Variants in GALNT13 observed in about 807,000 individuals in gnomAD.
GALNT13 encodes polypeptide N-acetylgalactosaminyltransferase 13, also known as UDP-GalNAc:polypeptide N-acetylgalactosaminyltransferase 13.
GALNT13 carries 28 observed loss-of-function variants against 64.2 expected under a neutral mutation model. The ratio of observed to expected loss-of-function variants is 0.44; its 90% CI spans 0.32 to 0.60. The LOEUF is 0.60. Among genes scored for constraint, GALNT13 ranks in the 20% least tolerant of loss-of-function variants. GALNT13 has a pLI of 0.05. For missense variants in GALNT13, 577 were observed against 669.8 expected, an observed-to-expected ratio of 0.86 and a Z score of 1.53; for synonymous variants, 214 against 224.6, an observed-to-expected ratio of 0.95 and a Z score of 0.42.
intron 4 of GALNT13, among the ~76,000 whole-genome samples, chr2:154,165,456 C>G (rs185026384): frequency 6.6e-6 from 1 of 152,066 alleles, no homozygotes; most frequent in African/African-American, 2.4e-5. Context: ...CGCTTACAGC[C>G]TCATTATATT....
chr2:153,746,019 T>A, the GALNT13 span, among the ~76,000 whole-genome samples: 1 of 152,134 alleles, frequency 6.6e-6, no homozygotes, highest in African/African-American at 2.4e-5. Flanking sequence ...CAATAGAAAG[T>A]ACGTTTTTAA....
At chr2:153,613,113 T>C in the GALNT13 span, among the ~76,000 whole-genome samples, 1 of 152,134 alleles carries the variant, frequency 6.6e-6, no homozygotes, top group African/African-American at 2.4e-5. Flanking sequence ...GATTTACTTG[T>C]AGCTGAAAGC....
intron 4 of GALNT13, among the ~76,000 whole-genome samples, chr2:154,237,538 G>A (rs1394413546): frequency 1.8e-5 from 2 of 110,924 alleles, no homozygotes; most frequent in African/African-American, 3.0e-5. Context: ...ATATATATAT[G>A]TAATATTATA....
the GALNT13 span, among the ~76,000 whole-genome samples, chr2:153,713,024 T>A: frequency 6.6e-6 from 1 of 152,210 alleles, no homozygotes; most frequent in Admixed American, 6.5e-5. Context: ...GTTGTCCAAC[T>A]GTATAAAAAC....
the GALNT13 span, among the ~76,000 whole-genome samples, chr2:153,569,696 A>G: frequency 1.7e-3 from 263 of 152,150 alleles, no homozygotes; most frequent in African/African-American, 5.3e-3. Flanking sequence ...CAAACAATGT[A>G]ATATCATTCC....
chr2:153,570,683 A>G, the GALNT13 span, among the ~76,000 whole-genome samples: 2 of 152,096 alleles, frequency 1.3e-5, no homozygotes, highest in African/African-American at 4.8e-5. Flanking sequence ...ATGGATATCT[A>G]GTTTCCCCAG....
the GALNT13 span, among the ~76,000 whole-genome samples, chr2:153,570,525 T>A: frequency 6.6e-6 from 1 of 152,158 alleles, no homozygotes; most frequent in Non-Finnish European, 1.5e-5. Flanking sequence ...TCAAGAAATT[T>A]TTGCTCAGAC....
chr2:153,206,893 A>C, the GALNT13 span, among the ~76,000 whole-genome samples: 1 of 152,080 alleles, frequency 6.6e-6, no homozygotes, highest in Non-Finnish European at 1.5e-5. Flanking sequence ...CTCATCGCCT[A>C]GATTTAAAAA....
chr2:153,278,910 G>C, the GALNT13 span, among the ~76,000 whole-genome samples: 1 of 152,078 alleles, frequency 6.6e-6, no homozygotes, highest in African/African-American at 2.4e-5. Flanking sequence ...TTTGTAGTTT[G>C]ATAGAAATAG....
intron 4 of GALNT13, among the ~76,000 whole-genome samples, chr2:154,192,358 C>T (rs937458390): frequency 6.6e-6 from 1 of 152,140 alleles, no homozygotes; most frequent in East Asian, 1.9e-4. Context: ...TGCGTCCTCA[C>T]CTAGGTCTGC....
intron 3 of GALNT13, among the ~76,000 whole-genome samples, chr2:154,035,952 C>A (rs1029692503): frequency 6.6e-6 from 1 of 151,872 alleles, no homozygotes; most frequent in Non-Finnish European, 1.5e-5. Context: ...AGACTTATAT[C>A]TTTTAGAAAG....
the GALNT13 span, among the ~76,000 whole-genome samples, chr2:153,189,375 C>G: frequency 6.6e-6 from 1 of 152,144 alleles, no homozygotes. Flanking sequence ...CTTTCAGTTT[C>G]ATCCATGTTG....
intron 10 of GALNT13, among the ~76,000 whole-genome samples, chr2:154,401,603 T>G (rs868433507): frequency 1.3e-5 from 2 of 152,242 alleles, no homozygotes; most frequent in Non-Finnish European, 2.9e-5. Context: ...AATATTGTAT[T>G]TTTTTAACTT....
chr2:153,200,540 A>G, the GALNT13 span, among the ~76,000 whole-genome samples: 5 of 152,222 alleles, frequency 3.3e-5, no homozygotes, highest in Non-Finnish European at 5.9e-5. Context: ...AATTAAGACT[A>G]TCTGCTCTTT....
the GALNT13 span, among the ~76,000 whole-genome samples, chr2:153,290,147 A>T: frequency 6.6e-6 from 1 of 152,188 alleles, no homozygotes; most frequent in Non-Finnish European, 1.5e-5. Context: ...CAGGGACCTC[A>T]GTGTTTCTAA....
At chr2:153,997,861 T>C (rs914881830) in intron 3 of GALNT13, among the ~76,000 whole-genome samples, 4 of 152,152 alleles carry the variant, frequency 2.6e-5, no homozygotes, top group African/African-American at 9.7e-5. Context: ...TTCTCATTGT[T>C]CAACTCCCAC....
the GALNT13 span, among the ~76,000 whole-genome samples, chr2:153,337,040 C>G: frequency 0.017 from 2,569 of 152,264 alleles, 78 homozygotes; most frequent in African/African-American, 0.059. Context: ...GATTCTGAGG[C>G]CTCCCCAGCC....
chr2:153,107,624 A>G, the GALNT13 span, among the ~76,000 whole-genome samples: 466 of 152,282 alleles, frequency 3.1e-3, 2 homozygotes, highest in Non-Finnish European at 5.2e-3. Context: ...GAAGTAGGTA[A>G]AAAATGGATG....
chr2:154,135,197 T>G (rs1423529380), intron 3 of GALNT13, among the ~76,000 whole-genome samples: 1 of 152,156 alleles, frequency 6.6e-6, no homozygotes, highest in Non-Finnish European at 1.5e-5. Context: ...CTGCCTGCCT[T>G]CCTGCCTACC....
Sources: gnomAD v4.1 joint callset for allele counts (sites outside exome capture counted in the v4.1 genomes callset) on GRCh38, gnomAD v4.1.1 for gene constraint, MANE v1.5 for transcripts, NCBI Gene and HGNC (gene_info 2026-07-23, HGNC 2026-07-21) for gene names.